The following PRKG1 variants were observed in gnomAD, a reference collection of about 807,000 sequenced individuals.
The protein encoded by PRKG1 is cGMP-dependent protein kinase 1.
PRKG1 carries 35 observed loss-of-function variants against 88.1 expected under a neutral mutation model. That is an observed-to-expected ratio of 0.40 (90% confidence interval 0.30 to 0.53). The LOEUF (loss-of-function observed/expected upper bound fraction) is 0.53, where lower values mean the gene tolerates loss of function less well. PRKG1 is among the 20% of genes least tolerant of loss of function. The pLI is 0.59. For synonymous variants in PRKG1, 303 were observed against 292.5 expected, an observed-to-expected ratio of 1.04 and a Z score of -0.37; for missense variants, 540 against 839.8, an observed-to-expected ratio of 0.64 and a Z score of 4.41.
At chr10:51,394,583 G>A (rs1021350495) in intron 2 of PRKG1, among the ~76,000 whole-genome samples, 1 of 152,188 alleles carries the variant, frequency 6.6e-6, no homozygotes. Flanking sequence ...ATTTGCAGCT[G>A]TTTTAAGCCC....
chr10:51,912,277 G>A (rs1842235195), intron 5 of PRKG1, among the ~76,000 whole-genome samples: 1 of 152,162 alleles, frequency 6.6e-6, no homozygotes, highest in Non-Finnish European at 1.5e-5. Context: ...GGACCAAGTT[G>A]CAGAGGGTTC....
intron 2 of PRKG1, among the ~76,000 whole-genome samples, chr10:51,359,822 T>C (rs1466966512): frequency 6.6e-6 from 1 of 151,930 alleles, no homozygotes; most frequent in East Asian, 1.9e-4. Flanking sequence ...AACTCTACTT[T>C]TGATGATCAA....
intron 7 of PRKG1, among the ~76,000 whole-genome samples, chr10:52,112,809 C>A (rs1040778986): frequency 1.3e-5 from 2 of 152,222 alleles, no homozygotes; most frequent in Non-Finnish European, 2.9e-5. Context: ...CAAAGGCTCA[C>A]CTGATAAGCT....
At chr10:51,697,589 G>T in intron 3 of PRKG1, 1 of 1,047,822 alleles carries the variant, frequency 9.5e-7, no homozygotes, top group Non-Finnish European at 1.4e-6. Context: ...GGTTCTAGGA[G>T]GAGGGAAACC....
intron 3 of PRKG1, among the ~76,000 whole-genome samples, chr10:51,598,441 T>C (rs1015636260): frequency 8.5e-5 from 13 of 152,190 alleles, no homozygotes; most frequent in Admixed American, 4.6e-4. Flanking sequence ...ACCTGGTTAA[T>C]TTTTGTATTT....
intron 4 of PRKG1, among the ~76,000 whole-genome samples, chr10:51,902,145 G>GCT: frequency 6.6e-6 from 1 of 151,844 alleles, no homozygotes; most frequent in South Asian, 2.1e-4. Context: ...ATGGAGTTTT[G>GCT]CTCTCGTTGC....
Position 51,232,531 on chromosome 10 carries a change from A to G in PRKG1, c.478+79201A>G, listed in dbSNP as rs145117762. ...CAAGCCCTATAACAATAAACATTTT[A>G]CACCCCAATGATTATTATTCTATAC... On this transcript the variant is annotated intron_variant, in intron 2 of 17. Transcript: ENST00000373980. Among the ~76,000 whole-genome samples the G allele has an allele frequency of 2.5e-3, 352 of 143,352 alleles. 3 individuals carry two copies. The highest frequency in any genetic ancestry group is 9.3e-3 in the African/African-American group (342 of 36,656). The allele number at this position is 143,352 out of a possible 152,430, so 94.0% of individuals were successfully genotyped here. A position where few individuals can be genotyped will look rare whatever the true frequency, so the allele number is the denominator to read the frequency against.
chr10:51,706,506 T>C (rs544812802), intron 3 of PRKG1, among the ~76,000 whole-genome samples: 7 of 150,628 alleles, frequency 4.6e-5, no homozygotes, highest in Non-Finnish European at 1.0e-4. Flanking sequence ...GATTGCGAAG[T>C]CCAGCCCAAT....
chr10:51,636,179 C>G (rs181680094), intron 3 of PRKG1, among the ~76,000 whole-genome samples: 417 of 152,140 alleles, frequency 2.7e-3, no homozygotes, highest in African/African-American at 9.8e-3. Context: ...GTTTGCATAT[C>G]CGCTTTTTAT....
At chr10:51,017,937 C>A (rs965675021) in intron 1 of PRKG1, among the ~76,000 whole-genome samples, 1 of 151,760 alleles carries the variant, frequency 6.6e-6, no homozygotes, top group Non-Finnish European at 1.5e-5. Context: ...TAGGTGGGAC[C>A]ACAGGTGCGT....
intron 5 of PRKG1, among the ~76,000 whole-genome samples, chr10:51,966,462 C>T (rs1843569411): frequency 6.6e-6 from 1 of 152,108 alleles, no homozygotes; most frequent in African/African-American, 2.4e-5. Context: ...ATGGCATGTC[C>T]TATTAACACT....
At chr10:51,433,590 G>A (rs143378196) in intron 2 of PRKG1, among the ~76,000 whole-genome samples, 80 of 152,128 alleles carry the variant, frequency 5.3e-4, no homozygotes, top group Non-Finnish European at 8.1e-4. Context: ...GACTCAATCC[G>A]AAGGACCGAT....
At chr10:51,080,754 C>T (rs1391944200) in intron 1 of PRKG1, among the ~76,000 whole-genome samples, 5 of 152,194 alleles carry the variant, frequency 3.3e-5, no homozygotes, top group African/African-American at 1.2e-4. Context: ...CCACCCCTTC[C>T]CCGACAGCCC....
chr10:51,524,041 G>A (rs570359180), intron 3 of PRKG1, among the ~76,000 whole-genome samples: 14 of 152,158 alleles, frequency 9.2e-5, no homozygotes, highest in African/African-American at 3.1e-4. Flanking sequence ...TTCTCAAGAG[G>A]TCTGGTTGTT....
intron 1 of PRKG1, among the ~76,000 whole-genome samples, chr10:51,053,332 G>A (rs1181787356): frequency 6.6e-6 from 1 of 152,080 alleles, no homozygotes; most frequent in African/African-American, 2.4e-5. Context: ...TAGAGGTGTG[G>A]AGATACACTC....
At chr10:51,169,163 A>T (rs1392185352) in intron 2 of PRKG1, among the ~76,000 whole-genome samples, 1 of 152,202 alleles carries the variant, frequency 6.6e-6, no homozygotes, top group Non-Finnish European at 1.5e-5. Flanking sequence ...ATCTTAGAAG[A>T]TATAACATTT....
rs1032436227 is a variant in PRKG1 at position 52,128,223 on chromosome 10, A to C, written c.936-5617A>C. The C allele has an allele frequency of 1.5e-5, 15 of 985,306 alleles. No homozygotes were observed. The African/African-American group carries it at 2.4e-4, about 16-fold the overall frequency. 61.0% of individuals were successfully genotyped at this position (985,306 alleles called of 1,614,324 possible). A position where few individuals can be genotyped will look rare whatever the true frequency, so the allele number is the denominator to read the frequency against. The stretch of plus-strand genomic sequence containing the variant: ...ACTGGAGTAGTGTCGAGTTTCCATG[A>C]AGGCTGGCACTGAGAGAGTGCTGGG... On this transcript the variant is annotated intron_variant, in intron 7 of 17. Coordinates refer to ENST00000373980, the MANE Select transcript of PRKG1 (RefSeq NM_006258.4).
intron 5 of PRKG1, among the ~76,000 whole-genome samples, chr10:52,036,623 G>T (rs1461168208): frequency 6.6e-6 from 1 of 151,916 alleles, no homozygotes; most frequent in African/African-American, 2.4e-5. Context: ...AAGGTGGGGG[G>T]ATACAAGAGG....
At chr10:52,111,025 G>T (rs927116499) in intron 7 of PRKG1, among the ~76,000 whole-genome samples, 1 of 152,150 alleles carries the variant, frequency 6.6e-6, no homozygotes. Flanking sequence ...TTATCTCATT[G>T]AATCTTATCT....
Sources: allele counts gnomAD v4.1 joint callset (sites outside exome capture counted in the v4.1 genomes callset), GRCh38; gene constraint gnomAD v4.1.1; transcripts MANE v1.5; gene names NCBI Gene and HGNC (gene_info 2026-07-23, HGNC 2026-07-21).